PDE4B: variants seen among roughly 807,000 people sequenced by gnomAD.
PDE4B encodes the protein 3',5'-cyclic-AMP phosphodiesterase 4B.
Under a neutral mutation model 82.2 loss-of-function variants are expected in PDE4B, and 20 were observed. The ratio of observed to expected loss-of-function variants is 0.24; its 90% confidence interval spans 0.17 to 0.35. The LOEUF is 0.35. PDE4B is among the 10% of genes least tolerant of loss of function. PDE4B has a pLI of 1.00. For synonymous variants in PDE4B, 320 were observed against 318.9 expected (o/e 1.00, Z -0.04); for missense variants, 655 against 907.2 (o/e 0.72, Z 3.57).
intron 7 of PDE4B, among the ~76,000 whole-genome samples, chr1:66,307,666 T>C (rs641262): frequency 0.41 from 61,991 of 151,960 alleles, 15,093 homozygotes; most frequent in Non-Finnish European, 0.55. Flanking sequence ...AAGTAGTGCA[T>C]TTGTGGTAGA....
At chr1:65,802,970 T>A (rs1202279937) in intron 1 of PDE4B, among the ~76,000 whole-genome samples, 1 of 152,174 alleles carries the variant, frequency 6.6e-6, no homozygotes, top group Non-Finnish European at 1.5e-5. Flanking sequence ...TTATAAAATG[T>A]ATTTGTGTAC....
chr1:65,793,671 G>A (rs1645599769), intron 1 of PDE4B, among the ~76,000 whole-genome samples: 1 of 152,188 alleles, frequency 6.6e-6, no homozygotes, highest in South Asian at 2.1e-4. Flanking sequence ...GCTGGGCTGA[G>A]GCTCCAGGAT....
chr1:66,046,523 G>C (rs1000133719), intron 3 of PDE4B, among the ~76,000 whole-genome samples: 7 of 151,772 alleles, frequency 4.6e-5, no homozygotes, highest in African/African-American at 1.7e-4. Context: ...GATGAAATCA[G>C]AATTCAAAGA....
At chr1:66,205,892 C>T (rs1175319494) in intron 3 of PDE4B, among the ~76,000 whole-genome samples, 2 of 152,246 alleles carry the variant, frequency 1.3e-5, no homozygotes, top group South Asian at 2.1e-4. Flanking sequence ...AGGTAGACTG[C>T]TCAGCTGTTC....
chr1:66,010,310 A>T (rs1569965067), intron 3 of PDE4B, among the ~76,000 whole-genome samples: 1 of 151,618 alleles, frequency 6.6e-6, no homozygotes, highest in Admixed American at 6.6e-5. Flanking sequence ...TTTAAAATTT[A>T]AAAAATATTA....
intron 1 of PDE4B, among the ~76,000 whole-genome samples, chr1:65,906,075 A>T (rs554640844): frequency 6.6e-6 from 1 of 152,012 alleles, no homozygotes; most frequent in East Asian, 1.9e-4. Flanking sequence ...AATTTTTTAT[A>T]CTCTCATTGA....
chr1:66,284,066 T>C (rs1656491548), intron 7 of PDE4B, among the ~76,000 whole-genome samples: 1 of 152,092 alleles, frequency 6.6e-6, no homozygotes, highest in Non-Finnish European at 1.5e-5. Flanking sequence ...TTAACAGTCG[T>C]GGGGCAGACA....
At chr1:66,254,047 C>T (rs116221451) in intron 4 of PDE4B, among the ~76,000 whole-genome samples, 3,711 of 152,246 alleles carry the variant, frequency 0.024, 62 homozygotes, top group Middle Eastern at 0.054. Flanking sequence ...ACCACCTATG[C>T]ATGAGATTTA....
chr1:66,095,278 A>G (rs915404928), intron 3 of PDE4B, among the ~76,000 whole-genome samples: 1 of 151,896 alleles, frequency 6.6e-6, no homozygotes, highest in Non-Finnish European at 1.5e-5. Flanking sequence ...TTTAAGTCTC[A>G]GTTTGCTTAT....
intron 3 of PDE4B, among the ~76,000 whole-genome samples, chr1:66,009,892 A>G (rs1355872354): frequency 1.4e-5 from 2 of 144,936 alleles, no homozygotes; most frequent in Non-Finnish European, 3.0e-5. Context: ...TCATATCCAT[A>G]TGATCTGTAT....
chr1:65,805,624 T>C (rs1311864490), intron 1 of PDE4B, among the ~76,000 whole-genome samples: 1 of 152,188 alleles, frequency 6.6e-6, no homozygotes, highest in Non-Finnish European at 1.5e-5. Flanking sequence ...TCTTTTGTAT[T>C]GATAGGTGGA....
intron 3 of PDE4B, among the ~76,000 whole-genome samples, chr1:66,087,846 C>T (rs960174018): frequency 1.7e-4 from 21 of 122,384 alleles, no homozygotes; most frequent in African/African-American, 4.2e-4. Flanking sequence ...GGAAGGGGAA[C>T]ATCACACTCT....
chr1:66,247,083 T>C (rs1006997751), intron 3 of PDE4B, among the ~76,000 whole-genome samples: 8 of 152,194 alleles, frequency 5.3e-5, no homozygotes, highest in African/African-American at 1.9e-4. Context: ...AGAGCTGTGC[T>C]GAATGCCCCC....
chr1:65,913,287 C>G lies in PDE4B; in HGVS notation c.-28C>G. The G allele has an allele frequency of 6.2e-7, 1 of 1,605,842 alleles. No homozygotes were observed. The highest frequency in any genetic ancestry group is 8.5e-7 in the Non-Finnish European group (1 of 1,172,692). ...CAAACTGCATTGAATAACAGACATC[C>G]TAAGAGGGGATATTTTCCACCTCTA... On this transcript the variant is annotated 5_prime_UTR_variant, in exon 2 of 17. Coordinates refer to ENST00000341517, the MANE Select transcript of PDE4B (RefSeq NM_002600.4).
At chr1:65,985,175 C>A (rs1356649796) in intron 3 of PDE4B, among the ~76,000 whole-genome samples, 1 of 151,922 alleles carries the variant, frequency 6.6e-6, no homozygotes, top group East Asian at 1.9e-4. Flanking sequence ...TATTATGTAC[C>A]CTTATAAGGC....
chr1:66,212,366 C>G (rs1002987288), intron 3 of PDE4B, among the ~76,000 whole-genome samples: 6 of 152,170 alleles, frequency 3.9e-5, no homozygotes, highest in Non-Finnish European at 8.8e-5. Context: ...TACTTTTCCT[C>G]ATGCCATGCC....
rs117488497 is a variant in PDE4B, at chr1:66,278,994, C to T, written c.634+12907C>T. Among the ~76,000 whole-genome samples the T allele has an allele frequency of 2.4e-3, 361 of 152,220 alleles. 4 individuals carry two copies. The highest frequency in any genetic ancestry group is 0.018 in the East Asian group (95 of 5,170). On this transcript the variant is annotated intron_variant, in intron 7 of 16. Coordinates refer to ENST00000341517, the MANE Select transcript of PDE4B (RefSeq NM_002600.4). ...CTCACTGACCTGGTTTTCCTTTATT[C>T]CTTCCCTCTCATCACAAGTTTAGGC...
intron 3 of PDE4B, among the ~76,000 whole-genome samples, chr1:66,199,434 C>T (rs984320544): frequency 2.6e-5 from 4 of 152,122 alleles, no homozygotes; most frequent in Admixed American, 6.5e-5. Flanking sequence ...TGTTCATATC[C>T]TTCGCCCACT....
intron 8 of PDE4B, among the ~76,000 whole-genome samples, chr1:66,352,445 G>C (rs10159087): frequency 0.023 from 3,534 of 152,256 alleles, 138 homozygotes; most frequent in African/African-American, 0.08. Flanking sequence ...CATATTGAAA[G>C]TGATTGACAA....
Sources: allele counts gnomAD v4.1 joint callset (sites outside exome capture counted in the v4.1 genomes callset), GRCh38; gene constraint gnomAD v4.1.1; transcripts MANE v1.5; gene names NCBI Gene and HGNC (gene_info 2026-07-23, HGNC 2026-07-21).